The following BZW2 variants were observed in gnomAD, a reference collection of about 807,000 sequenced individuals.
BZW2 encodes the protein eIF5-mimic protein 1.
A neutral mutation model predicts 53.2 loss-of-function variants in BZW2; 23 were observed. The observed-to-expected ratio is 0.43, with a 90% CI of 0.31 to 0.61. The LOEUF is 0.61. Ranked by LOEUF, BZW2 falls within the 20% of genes least tolerant of loss-of-function variation. The pLI is 0.09. For missense variants in BZW2, 409 were observed against 503.1 expected (o/e 0.81, Z 1.79); for synonymous variants, 227 against 186.4 (o/e 1.22, Z -1.77).
At chr7:16,701,780 G>A (rs1783676608) in intron 10 of BZW2, among the ~76,000 whole-genome samples, 1 of 152,126 alleles carries the variant, frequency 6.6e-6, no homozygotes, top group Admixed American at 6.6e-5. Flanking sequence ...TTAAATGCTG[G>A]AAATGAGATG....
At chr7:16,649,207 C>T (rs532794415) in intron 1 of BZW2, among the ~76,000 whole-genome samples, 2 of 152,296 alleles carry the variant, frequency 1.3e-5, no homozygotes, top group South Asian at 2.1e-4. Flanking sequence ...CCTTCTCATT[C>T]TACAGTATAC....
chr7:16,700,007 A>G (rs1052709933), intron 10 of BZW2, among the ~76,000 whole-genome samples: 3 of 152,218 alleles, frequency 2.0e-5, no homozygotes, highest in East Asian at 1.9e-4. Context: ...TAAATAACCT[A>G]AAGTTAGTGA....
chr7:16,673,251 T>C (rs563912469), intron 2 of BZW2, among the ~76,000 whole-genome samples: 16 of 152,164 alleles, frequency 1.1e-4, no homozygotes, highest in Admixed American at 8.5e-4. Flanking sequence ...CGGCCTTGTC[T>C]TATCCACTTT....
chr7:16,675,051 A>C (rs1347622626), intron 3 of BZW2, among the ~76,000 whole-genome samples: 2 of 152,254 alleles, frequency 1.3e-5, no homozygotes, highest in Non-Finnish European at 2.9e-5. Context: ...TAGAAAAATT[A>C]AAGATAGAAG....
At chr7:16,654,110 A>T (rs1185898297) in intron 1 of BZW2, among the ~76,000 whole-genome samples, 1 of 117,598 alleles carries the variant, frequency 8.5e-6, no homozygotes, top group Non-Finnish European at 1.8e-5. Flanking sequence ...AAAAAAAAAA[A>T]ATACAAAAAT....
intron 1 of BZW2, among the ~76,000 whole-genome samples, chr7:16,647,847 C>A (rs1189432738): frequency 6.6e-6 from 1 of 152,220 alleles, no homozygotes; most frequent in Non-Finnish European, 1.5e-5. Flanking sequence ...TTGGGTACTT[C>A]ATTGCTAGTA....
rs1252530350 is a variant in BZW2, at chr7:16,686,049, G to C, written c.541+9G>C. 7 of 1,611,406 alleles carry C rather than the reference G, an allele frequency of 4.3e-6. No homozygotes were observed. The highest frequency in any genetic ancestry group is 3.3e-5 in the South Asian group (3 of 90,340). On this transcript the variant is annotated intron_variant, in intron 6 of 11. Coordinates refer to ENST00000258761, the MANE Select transcript of BZW2 (RefSeq NM_014038.3). ...CAGCTTAGTCAAAGAAGGTAACGAG[G>C]CTCCTGTTTTCTCGCCTGTCAGACA...
Position 16,706,233 on chromosome 7 carries a change from G to A in BZW2, c.*145G>A, listed in dbSNP as rs1057441266. The stretch of plus-strand genomic sequence containing the variant: ...GCTTCCCTTGTGCAGAGGGAGAAAT[G>A]GTTTTGTTTTTGTTTTGTTTTTAAA... On this transcript the variant is annotated 3_prime_UTR_variant, in exon 12 of 12. Coordinates refer to ENST00000258761, the MANE Select transcript of BZW2 (RefSeq NM_014038.3). 4.3e-5 allele frequency: 38 copies of A among 880,948 alleles called. No individual in the cohort carries two copies. The South Asian group carries it at 5.7e-4, about 13-fold the overall frequency. The allele number at this position is 880,948 out of a possible 1,614,324, so 54.6% of individuals were successfully genotyped here. A position where few individuals can be genotyped will look rare whatever the true frequency, so the allele number is the denominator to read the frequency against.
chr7:16,698,016 G>C (rs780793161), intron 9 of BZW2, 32 bp from the exon 10 acceptor site: 170 of 1,612,912 alleles, frequency 1.1e-4, no homozygotes, highest in Non-Finnish European at 1.4e-4. Context: ...TCCCACGCAA[G>C]TGACGGCTTT....
chr7:16,669,828 T>G (rs1054201483), intron 2 of BZW2, among the ~76,000 whole-genome samples: 1 of 152,350 alleles, frequency 6.6e-6, no homozygotes, highest in Middle Eastern at 3.4e-3. Flanking sequence ...CAGTTTAAAT[T>G]GGAGACCCTA....
intron 7 of BZW2, 70 bp downstream of exon 7, chr7:16,689,976 T>A (rs913243636): frequency 8.6e-7 from 1 of 1,162,388 alleles, no homozygotes; most frequent in African/African-American, 1.5e-5. Context: ...GCCTGCAATG[T>A]AGTATATGAG....
intron 4 of BZW2, among the ~76,000 whole-genome samples, chr7:16,681,993 A>G (rs1782960220): frequency 6.6e-6 from 1 of 152,194 alleles, no homozygotes; most frequent in Non-Finnish European, 1.5e-5. Flanking sequence ...ATGGGATTTT[A>G]ATGCAATTTA....
chr7:16,678,570 A>C (rs528829882), intron 3 of BZW2, among the ~76,000 whole-genome samples: 1 of 152,338 alleles, frequency 6.6e-6, no homozygotes, highest in East Asian at 1.9e-4. Flanking sequence ...TAAACAATGT[A>C]ACTTTAAAAA....
intron 1 of BZW2, among the ~76,000 whole-genome samples, chr7:16,663,394 A>G (rs1017243939): frequency 6.6e-6 from 1 of 152,108 alleles, no homozygotes; most frequent in Non-Finnish European, 1.5e-5. Context: ...ATTTTACTTT[A>G]TAGGGTTGGC....
chr7:16,675,721 A>T (rs1456664691), intron 3 of BZW2, among the ~76,000 whole-genome samples: 1 of 152,164 alleles, frequency 6.6e-6, no homozygotes, highest in Admixed American at 6.5e-5. Context: ...AGCTATCTAT[A>T]TTGAGCTCAA....
intron 3 of BZW2, 113 bp from the exon 4 acceptor site, chr7:16,681,188 A>G: frequency 1.2e-6 from 1 of 822,232 alleles, no homozygotes; most frequent in Non-Finnish European, 1.9e-6. Context: ...TGTGACTCTT[A>G]GATTTTACAT....
intron 3 of BZW2, among the ~76,000 whole-genome samples, chr7:16,678,095 T>TTC (rs1651329954): frequency 1.4e-5 from 2 of 141,416 alleles, no homozygotes; most frequent in South Asian, 4.6e-4. Flanking sequence ...TTCTTTTTTT[T>TTC]TTTTTTTTTT....
At chr7:16,686,329 C>T (rs571576999) in intron 6 of BZW2, 17 of 304,000 alleles carry the variant, frequency 5.6e-5, no homozygotes, top group African/African-American at 2.2e-4. Flanking sequence ...TCAAATACCC[C>T]GAAATCGATC....
intron 11 of BZW2, among the ~76,000 whole-genome samples, chr7:16,705,725 G>A (rs894588639): frequency 1.3e-5 from 2 of 148,554 alleles, no homozygotes; most frequent in South Asian, 4.2e-4. Context: ...TATCTTAGGT[G>A]ATCCAAAGAA....
Sources: allele counts gnomAD v4.1 joint callset (sites outside exome capture counted in the v4.1 genomes callset), GRCh38; gene constraint gnomAD v4.1.1; transcripts MANE v1.5; gene names NCBI Gene and HGNC (gene_info 2026-07-23, HGNC 2026-07-21).